Variants in NECAB1 observed in about 807,000 individuals in gnomAD.
NECAB1 encodes N-terminal EF-hand calcium binding protein 1.
A neutral mutation model predicts 57.5 loss-of-function variants in NECAB1; 29 were observed. That is an observed-to-expected ratio of 0.50 (90% CI 0.38 to 0.69). The LOEUF is 0.69. Among genes scored for constraint, NECAB1 ranks in the 30% least tolerant of loss-of-function variants. The probability of loss-of-function intolerance (pLI) is 0.00; values close to 1 mark genes in which losing one functional copy is unlikely to be tolerated. For synonymous variants in NECAB1, 142 were observed against 147.7 expected, an observed-to-expected ratio of 0.96 and a Z score of 0.28; for missense variants, 372 against 413.8, an observed-to-expected ratio of 0.90 and a Z score of 0.88.
intron 3 of NECAB1, among the ~76,000 whole-genome samples, chr8:90,863,870 A>T (rs1025409823): frequency 2.6e-5 from 4 of 152,164 alleles, no homozygotes; most frequent in African/African-American, 9.6e-5. Flanking sequence ...TATTGTGCTA[A>T]TGTTTCTGAC....
intron 4 of NECAB1, among the ~76,000 whole-genome samples, chr8:90,878,873 T>C (rs997179327): frequency 3.3e-5 from 5 of 150,874 alleles, no homozygotes; most frequent in African/African-American, 1.2e-4. Context: ...CAAATGTCCA[T>C]GAATGAAATA....
rs1810658089 is a variant in NECAB1, at chr8:90,941,026, A to G, written c.860+128A>G. On this transcript the variant is annotated intron_variant, in intron 10 of 12. Transcript: ENST00000417640. ...TGAGAATCCTCACATTAAATTATAC[A>G]GAGCATTCCACCTGGGTGATGTCAT... The G allele has an allele frequency of 2.0e-5, 14 of 689,700 alleles. No homozygotes were observed. In the South Asian group the frequency reaches 2.5e-4, roughly 12 times the overall value. The allele number at this position is 689,700 out of a possible 1,614,324, so 42.7% of individuals were successfully genotyped here.
intron 9 of NECAB1, chr8:90,940,571 T>G (rs1810644686): frequency 1.4e-5 from 7 of 489,112 alleles, no homozygotes; most frequent in Non-Finnish European, 2.6e-5. Flanking sequence ...AAAGAACACG[T>G]TGTTTAGCTT....
At chr8:90,949,146 TTGTGTGTGTGTGTGTGTGTGTGTGTGTG>T (rs59311652) in intron 10 of NECAB1, among the ~76,000 whole-genome samples, 360 of 129,972 alleles carry the variant, frequency 2.8e-3, no homozygotes, top group Non-Finnish European at 4.8e-3. Context: ...AACAGGCACT[TTGTGTGTGTGTGTGTGTGTGTGTGTGTG>T]TGTGTGTGTG....
At chr8:90,832,475 A>C (rs1438831820) in intron 3 of NECAB1, among the ~76,000 whole-genome samples, 1 of 152,126 alleles carries the variant, frequency 6.6e-6, no homozygotes, top group Non-Finnish European at 1.5e-5. Flanking sequence ...CTTAGTTATA[A>C]TTTTTTGGAA....
At chr8:90,884,006 G>C (rs1808910366) in intron 5 of NECAB1, among the ~76,000 whole-genome samples, 2 of 152,178 alleles carry the variant, frequency 1.3e-5, no homozygotes. Flanking sequence ...CTGTTTATTA[G>C]TAGGGCTTAA....
At chr8:90,807,085 A>G (rs965219559) in intron 2 of NECAB1, among the ~76,000 whole-genome samples, 19 of 152,160 alleles carry the variant, frequency 1.2e-4, no homozygotes, top group African/African-American at 4.6e-4. Context: ...CTGAATTTGT[A>G]TACATCTTGA....
At chr8:90,919,791 A>C (rs1810059725) in intron 6 of NECAB1, among the ~76,000 whole-genome samples, 1 of 152,180 alleles carries the variant, frequency 6.6e-6, no homozygotes, top group African/African-American at 2.4e-5. Context: ...TGGAAATAAA[A>C]TGGGAACTCC....
At chr8:90,830,694 T>C (rs935331988) in intron 3 of NECAB1, among the ~76,000 whole-genome samples, 2 of 152,126 alleles carry the variant, frequency 1.3e-5, no homozygotes, top group Non-Finnish European at 2.9e-5. Flanking sequence ...TTGTCCAGGC[T>C]TTAAGTAGCT....
At chr8:90,814,267 A>G (rs919338438) in intron 2 of NECAB1, among the ~76,000 whole-genome samples, 20 of 152,222 alleles carry the variant, frequency 1.3e-4, no homozygotes, top group African/African-American at 4.8e-4. Flanking sequence ...GTAAAATGCC[A>G]TTACATCATA....
chr8:90,868,604 G>A (rs1444855080), intron 3 of NECAB1, among the ~76,000 whole-genome samples: 4 of 152,108 alleles, frequency 2.6e-5, no homozygotes, highest in Non-Finnish European at 4.4e-5. Flanking sequence ...AGATGATTTG[G>A]GATATCTGGC....
At chr8:90,944,122 T>TA (rs927624769) in intron 10 of NECAB1, among the ~76,000 whole-genome samples, 60 of 152,136 alleles carry the variant, frequency 3.9e-4, no homozygotes, top group African/African-American at 1.0e-3. Context: ...TCAGATGGGT[T>TA]AAAAAAAACT....
At chr8:90,837,605 T>C (rs1380909637) in intron 3 of NECAB1, among the ~76,000 whole-genome samples, 1 of 152,142 alleles carries the variant, frequency 6.6e-6, no homozygotes, top group Non-Finnish European at 1.5e-5. Flanking sequence ...AATTGAAAAA[T>C]GATTGATCAG....
rs139342623 is a variant in NECAB1, at chr8:90,853,699, A to G, written c.234-18429A>G. Among the ~76,000 whole-genome samples the G allele has an allele frequency of 3.4e-3, 525 of 152,362 alleles. 4 individuals carry two copies. The highest frequency in any genetic ancestry group is 0.012 in the African/African-American group (493 of 41,592). On this transcript the variant is annotated intron_variant, in intron 3 of 12. Transcript: ENST00000417640. ...TTCAACTTCATCTTTATATAAAGAC[A>G]TTAAGAAACTAGTATTGTTGCCAAA...
At chr8:90,941,690 C>T (rs569537704) in intron 10 of NECAB1, among the ~76,000 whole-genome samples, 1 of 152,240 alleles carries the variant, frequency 6.6e-6, no homozygotes, top group East Asian at 1.9e-4. Flanking sequence ...TTTGTTCTCC[C>T]TCATCTAAAC....
intron 12 of NECAB1, among the ~76,000 whole-genome samples, chr8:90,954,930 A>G (rs1243594880): frequency 2.0e-5 from 3 of 147,772 alleles, no homozygotes; most frequent in Non-Finnish European, 3.0e-5. Context: ...ATGCATATGT[A>G]TTATATGTAT....
At chr8:90,852,440 G>C (rs1812701668) in intron 3 of NECAB1, among the ~76,000 whole-genome samples, 1 of 152,186 alleles carries the variant, frequency 6.6e-6, no homozygotes, top group Non-Finnish European at 1.5e-5. Context: ...ACAGGAGGCA[G>C]AGTAATTCTA....
chr8:90,927,293 C>T (rs192152987), intron 7 of NECAB1, among the ~76,000 whole-genome samples: 6 of 145,990 alleles, frequency 4.1e-5, no homozygotes, highest in African/African-American at 7.7e-5. Context: ...GGTGCTTCCT[C>T]CAAGAAGGCA....
rs1447861576 is a variant in NECAB1 at position 90,958,714 on chromosome 8, C to T, written c.*3202C>T. On this transcript the variant is annotated 3_prime_UTR_variant, in exon 13 of 13. Coordinates refer to ENST00000417640, the MANE Select transcript of NECAB1 (RefSeq NM_022351.5). ...TTCCATTATTACAAGTGATGAAAAA[C>T]AAAAAATTGCAAGTAGTATGCAAAT... The T allele has an allele frequency of 6.9e-6, 2 of 287,846 alleles. No individual in the cohort carries two copies. The highest frequency in any genetic ancestry group is 2.2e-5 in the African/African-American group (1 of 44,456). The allele number at this position is 287,846 out of a possible 1,614,324, so 17.8% of individuals were successfully genotyped here.
Sources: allele counts gnomAD v4.1 joint callset (sites outside exome capture counted in the v4.1 genomes callset), GRCh38; gene constraint gnomAD v4.1.1; transcripts MANE v1.5; gene names NCBI Gene and HGNC (gene_info 2026-07-23, HGNC 2026-07-21).